CIT: variants seen among roughly 807,000 people sequenced by gnomAD.
CIT encodes the protein citron Rho-interacting kinase.
CIT carries 79 observed loss-of-function variants against 272.7 expected under a neutral mutation model. That is an observed-to-expected ratio of 0.29 (90% CI 0.24 to 0.35). The LOEUF is 0.35. Ranked by LOEUF, CIT falls within the 10% of genes least tolerant of loss-of-function variation. The pLI is 1.00. For missense variants in CIT, 1,909 were observed against 2,618.3 expected (o/e 0.73, Z 5.91); for synonymous variants, 948 against 995.6 (o/e 0.95, Z 0.90).
chr12:119,719,258 A>G (rs1357589242), intron 30 of CIT, among the ~76,000 whole-genome samples: 3 of 152,172 alleles, frequency 2.0e-5, no homozygotes, highest in Non-Finnish European at 4.4e-5. Flanking sequence ...ATGCTCAGTT[A>G]CAAGACACAG....
At chr12:119,817,327 T>G (rs1355435945) in intron 9 of CIT, among the ~76,000 whole-genome samples, 1 of 151,796 alleles carries the variant, frequency 6.6e-6, no homozygotes, top group Non-Finnish European at 1.5e-5. Flanking sequence ...CTGGCTAACA[T>G]GGTAAAACCC....
At chr12:119,692,162 G>GA (rs1374561225) in intron 46 of CIT, among the ~76,000 whole-genome samples, 1 of 152,118 alleles carries the variant, frequency 6.6e-6, no homozygotes, top group African/African-American at 2.4e-5. Flanking sequence ...AAAAATATTT[G>GA]AAAAAGCCGG....
chr12:119,742,718 A>T (rs1959118345), intron 23 of CIT: 2 of 347,708 alleles, frequency 5.8e-6, no homozygotes, highest in Non-Finnish European at 5.2e-6. Flanking sequence ...TTTAACATTT[A>T]TATTAACACC....
chr12:119,718,577 G>A lies in CIT; in HGVS notation c.4003+122C>T. ...TACGTTTTTCAGACATGGGATGTCT[G>A]GTCTGAAAGCGTATGGGCCATAAAC... On this transcript the variant is annotated intron_variant, in intron 31 of 47. Transcript: ENST00000392521. The surrounding 1 kb of genome is among the most constrained non-coding windows in gnomAD (Gnocchi z 4.8). 2 of 1,422,682 alleles carry A rather than the reference G, an allele frequency of 1.4e-6. No homozygotes were observed. Among genetic ancestry groups the A allele is most frequent in the Non-Finnish European group, 1.9e-6 (2 of 1,036,786 alleles). 88.1% of individuals were successfully genotyped at this position (1,422,682 alleles called of 1,614,324 possible).
intron 2 of CIT, among the ~76,000 whole-genome samples, chr12:119,875,322 A>G (rs188206432): frequency 6.6e-6 from 1 of 152,296 alleles, no homozygotes; most frequent in East Asian, 1.9e-4. Context: ...CAATCAATCA[A>G]TGAATGAATA....
chr12:119,716,298 AG>A (rs1470422400), intron 32 of CIT, among the ~76,000 whole-genome samples: 1 of 144,664 alleles, frequency 6.9e-6, no homozygotes, highest in Non-Finnish European at 1.5e-5. Context: ...GAATCGCTTG[AG>A]CCTGGGAGGC....
At chr12:119,834,031 CTT>C (rs1968828574) in intron 6 of CIT, 53 bp downstream of exon 6, 2 of 1,532,426 alleles carry the variant, frequency 1.3e-6, no homozygotes, top group Admixed American at 4.0e-5. Context: ...TGCAGGAACT[CTT>C]ATGCGACACA....
intron 28 of CIT, among the ~76,000 whole-genome samples, chr12:119,721,826 GT>G (rs1957827165): frequency 6.6e-6 from 1 of 152,182 alleles, no homozygotes; most frequent in Non-Finnish European, 1.5e-5. Flanking sequence ...TGACAACTAA[GT>G]TCCAATGTCT....
intron 9 of CIT, among the ~76,000 whole-genome samples, chr12:119,818,187 T>C (rs1403246851): frequency 1.3e-5 from 2 of 152,198 alleles, no homozygotes; most frequent in African/African-American, 4.8e-5. Flanking sequence ...ATGGGTATAA[T>C]AATCCTTACA....
At chr12:119,853,869 C>CA (rs1159567810) in intron 4 of CIT, among the ~76,000 whole-genome samples, 2 of 151,068 alleles carry the variant, frequency 1.3e-5, no homozygotes, top group Admixed American at 6.6e-5. Context: ...AGTCTCAAAA[C>CA]AAAAAAAATT....
chr12:119,756,422 T>C (rs1960990371), intron 22 of CIT, among the ~76,000 whole-genome samples: 2 of 152,132 alleles, frequency 1.3e-5, no homozygotes, highest in South Asian at 4.1e-4. Flanking sequence ...GGGGTTCCTA[T>C]TGGTTACTCC....
At position 119,718,715 on chromosome 12, in the gene CIT, C is replaced by T. The variant is rs763884086; in HGVS notation, c.3987G>A (p.Arg1329=). ...EALQKTRIEL[R]SAREEAAHRK... ...AGCCCCTACCTTCCTCCCGGGCGGA[C>T]CGGAGCTCGATGCGGGTCTTCTGAA... Residue 1329 remains arginine, a synonymous_variant, in exon 31 of 48, where the codon CGG becomes CGA. Coordinates refer to ENST00000392521, the MANE Select transcript of CIT (RefSeq NM_001206999.2). The surrounding 1 kb of genome is among the most constrained non-coding windows in gnomAD (Gnocchi z 4.8). The T allele has an allele frequency of 1.2e-6, 2 of 1,613,538 alleles. No homozygotes were observed. Among genetic ancestry groups the T allele is most frequent in the Non-Finnish European group, 1.7e-6 (2 of 1,180,028 alleles).
chr12:119,819,000 T>C (rs1967450691), intron 9 of CIT, among the ~76,000 whole-genome samples: 1 of 152,164 alleles, frequency 6.6e-6, no homozygotes, highest in African/African-American at 2.4e-5. Context: ...AGAGGAGCTC[T>C]GATTGGCTTC....
At chr12:119,692,497 G>A (rs1369248731) in intron 46 of CIT, among the ~76,000 whole-genome samples, 1 of 152,230 alleles carries the variant, frequency 6.6e-6, no homozygotes, top group African/African-American at 2.4e-5. Context: ...TGTGGAAGGA[G>A]AGACTCTAGA....
intron 16 of CIT, among the ~76,000 whole-genome samples, chr12:119,774,292 T>C (rs1593690098): frequency 6.6e-6 from 1 of 152,140 alleles, no homozygotes; most frequent in African/African-American, 2.4e-5. Flanking sequence ...TGTGGTTTTT[T>C]TTTTTACCAC....
chr12:119,851,383 T>C (rs757755402), intron 4 of CIT, among the ~76,000 whole-genome samples: 1 of 152,156 alleles, frequency 6.6e-6, no homozygotes, highest in Non-Finnish European at 1.5e-5. Context: ...CCGGTAGCAA[T>C]GAAAACACCC....
chr12:119,709,727 G>A (rs944628202), intron 39 of CIT, among the ~76,000 whole-genome samples: 6 of 150,978 alleles, frequency 4.0e-5, no homozygotes, highest in African/African-American at 7.4e-5. Context: ...AGAACTTGGC[G>A]TCATACCTGC....
intron 9 of CIT, among the ~76,000 whole-genome samples, chr12:119,816,377 G>C (rs1967186358): frequency 6.6e-6 from 1 of 152,168 alleles, no homozygotes. Context: ...AAACCCAGCA[G>C]TTCTAAGCAG....
In CIT at chr12:119,832,692, C is replaced by G. The variant is rs991576346; in HGVS notation, c.753+79G>C. On this transcript the variant is annotated intron_variant, in intron 7 of 47. Coordinates refer to ENST00000392521, the MANE Select transcript of CIT (RefSeq NM_001206999.2). ...CCAAAACATTGTTCACCATTTTATC[C>G]CAACACTTCCCAAACTTAGGAGGAC... The G allele has an allele frequency of 2.5e-6, 3 of 1,204,322 alleles. No individual in the cohort carries two copies. In the African/African-American group the frequency reaches 4.5e-5, roughly 18 times the overall value. 74.6% of individuals were successfully genotyped at this position (1,204,322 alleles called of 1,614,324 possible). A position where few individuals can be genotyped will look rare whatever the true frequency, so the allele number is the denominator to read the frequency against.
Sources: gnomAD v4.1 joint callset for allele counts (sites outside exome capture counted in the v4.1 genomes callset) on GRCh38, gnomAD v4.1.1 for gene constraint, Gnocchi (gnomAD v3.1) non-coding constraint, MANE v1.5 for transcripts, NCBI Gene and HGNC (gene_info 2026-07-23, HGNC 2026-07-21) for gene names.